The following SGCB variants were observed in gnomAD, a reference collection of about 807,000 sequenced individuals.
The protein encoded by SGCB is sarcoglycan beta.
SGCB carries 25 observed loss-of-function variants against 27.3 expected under a neutral mutation model. The ratio of observed to expected loss-of-function variants is 0.92; its 90% CI spans 0.67 to 1.28. SGCB has a LOEUF of 1.28. Ranked by LOEUF, SGCB falls within the 50% of genes most tolerant of loss-of-function variation. The probability of loss-of-function intolerance (pLI) is 0.00; values close to 1 mark genes in which losing one functional copy is unlikely to be tolerated. For synonymous variants in SGCB, 147 were observed against 133.5 expected (o/e 1.10, Z -0.70); for missense variants, 436 against 402.1 (o/e 1.08, Z -0.72).
rs565410997 is a variant in SGCB at position 52,024,079 on chromosome 4, T to C, written c.835A>G (p.Ser279Gly). ...PSSSSGDQLGSGDWVRYKLCM... is the reference protein window; with the variant it reads ...PSSSSGDQLGGGDWVRYKLCM... ...AGCTTGTAGCGTACCCAGTCACCAC[T>C]ACCCAACTGGTCTCCACTGGAGGAA... is the stretch of plus-strand genomic sequence containing the variant. The change falls in exon 6 of 6, where the codon AGT becomes GGT. Residue 279 changes from serine (S) to glycine (G), a missense_variant. Physicochemically the swap from Ser to Gly is moderately conservative, Grantham distance 56 (BLOSUM62 0). Coordinates refer to ENST00000381431, the MANE Select transcript of SGCB (RefSeq NM_000232.5). 45 of 1,614,102 alleles carry C rather than the reference T, an allele frequency of 2.8e-5. No homozygotes were observed. The highest frequency in any genetic ancestry group is 6.7e-5 in the East Asian group (3 of 44,876).
chr4:52,035,059 C>T (rs1737349897), intron 1 of SGCB, among the ~76,000 whole-genome samples: 1 of 152,158 alleles, frequency 6.6e-6, no homozygotes, highest in Non-Finnish European at 1.5e-5. Flanking sequence ...GATTTGAGAA[C>T]CTCTGACCTA....
At chr4:52,024,210 G>A in intron 5 of SGCB, 50 bp from the exon 6 acceptor site, 4 of 1,430,862 alleles carry the variant, frequency 2.8e-6, no homozygotes, top group Non-Finnish European at 3.9e-6. Context: ...AGGGGGTACA[G>A]AACAAAGTCA....
chr4:52,035,248 G>C (rs546064530), intron 1 of SGCB, among the ~76,000 whole-genome samples: 5 of 152,274 alleles, frequency 3.3e-5, no homozygotes, highest in African/African-American at 1.2e-4. Flanking sequence ...GAATACAAAA[G>C]AACTATAGGA....
rs1263020044 is a variant in SGCB at position 52,028,783 on chromosome 4, G to GA, written c.567dup (p.His190SerfsTer17). ...AAACTTTTCACTCCACTTGGCAAAT[G>GA]AAACTCATGAGTTTCATAGTCTGTG... On this transcript the variant is annotated frameshift_variant, in exon 4 of 6. Coordinates refer to ENST00000381431, the MANE Select transcript of SGCB (RefSeq NM_000232.5). LOFTEE classifies it high-confidence loss of function. 1.2e-6 allele frequency: 2 copies of GA among 1,613,598 alleles called. No homozygotes were observed. The highest frequency in any genetic ancestry group is 3.3e-5 in the Admixed American group (2 of 59,982).
At chr4:52,029,614 C>A in intron 3 of SGCB, 64 bp downstream of exon 3, 2 of 1,081,566 alleles carry the variant, frequency 1.8e-6, no homozygotes, top group Non-Finnish European at 2.9e-6. Context: ...TAGGTTTTTG[C>A]AAAGTATTTT....
At chr4:52,025,071 T>C (rs968369415) in intron 5 of SGCB, among the ~76,000 whole-genome samples, 1 of 152,130 alleles carries the variant, frequency 6.6e-6, no homozygotes, top group Non-Finnish European at 1.5e-5. Context: ...TCCTTTCTTC[T>C]TTTCATTCAC....
intron 1 of SGCB, among the ~76,000 whole-genome samples, chr4:52,035,428 T>C (rs1046871652): frequency 3.3e-5 from 5 of 152,096 alleles, no homozygotes; most frequent in African/African-American, 1.2e-4. Flanking sequence ...CTGGAGTTGT[T>C]AGGGAAATGG....
At chr4:52,036,487 C>G (rs1019169022) in intron 1 of SGCB, among the ~76,000 whole-genome samples, 1 of 152,138 alleles carries the variant, frequency 6.6e-6, no homozygotes, top group African/African-American at 2.4e-5. Context: ...GTTTCCTATA[C>G]AATCAGATTT....
intron 2 of SGCB, among the ~76,000 whole-genome samples, chr4:52,030,851 T>C (rs1737228067): frequency 6.6e-6 from 1 of 152,216 alleles, no homozygotes; most frequent in Admixed American, 6.5e-5. Context: ...GTAAAATTTT[T>C]TGGAAAGTGT....
At position 52,022,318 on chromosome 4, in the gene SGCB, T is replaced by C. The variant is rs549050714; in HGVS notation, c.*1639A>G. On this transcript the variant is annotated 3_prime_UTR_variant, in exon 6 of 6. Coordinates refer to ENST00000381431, the MANE Select transcript of SGCB (RefSeq NM_000232.5). The stretch of plus-strand genomic sequence containing the variant: ...TATTGAATACAAATTGTTTTTTGTA[T>C]TGGTTTTCTTATGTGCACAATTCAA... The C allele has an allele frequency of 6.6e-5, 10 of 152,346 alleles. No individual in the cohort carries two copies. In the East Asian group the frequency reaches 1.9e-3, roughly 29 times the overall value. 9.4% of individuals were successfully genotyped at this position (152,346 alleles called of 1,614,324 possible).
chr4:52,036,402 G>A (rs1737393006), intron 1 of SGCB, among the ~76,000 whole-genome samples: 1 of 152,116 alleles, frequency 6.6e-6, no homozygotes, highest in South Asian at 2.1e-4. Context: ...GGGCCAGTAA[G>A]CAACATAAAT....
chr4:52,034,598 T>G (rs1390322045), intron 1 of SGCB, among the ~76,000 whole-genome samples: 1 of 151,978 alleles, frequency 6.6e-6, no homozygotes, highest in Non-Finnish European at 1.5e-5. Flanking sequence ...TGGCTATCCT[T>G]TGGGGGTCCT....
At chr4:52,035,756 A>G (rs931163518) in intron 1 of SGCB, among the ~76,000 whole-genome samples, 1 of 152,214 alleles carries the variant, frequency 6.6e-6, no homozygotes, top group South Asian at 2.1e-4. Context: ...AAGACTTAAC[A>G]GAATTTGTAG....
At chr4:52,036,039 G>A (rs916110030) in intron 1 of SGCB, among the ~76,000 whole-genome samples, 6 of 152,170 alleles carry the variant, frequency 3.9e-5, no homozygotes, top group African/African-American at 1.4e-4. Context: ...CTTAATTACA[G>A]GCCAGTCAGG....
chr4:52,027,494 G>C (rs1166048423), intron 5 of SGCB, among the ~76,000 whole-genome samples: 1 of 150,750 alleles, frequency 6.6e-6, no homozygotes, highest in Non-Finnish European at 1.5e-5. Context: ...CATTGGATAT[G>C]AAACTCAGGG....
intron 1 of SGCB, among the ~76,000 whole-genome samples, chr4:52,036,211 G>A (rs1337025309): frequency 1.3e-5 from 2 of 152,214 alleles, no homozygotes; most frequent in African/African-American, 4.8e-5. Flanking sequence ...GTTAACTCTT[G>A]AAGGATGGAC....
At chr4:52,031,400 G>GTA (rs1553940465) in intron 2 of SGCB, among the ~76,000 whole-genome samples, 3 of 42,352 alleles carry the variant, frequency 7.1e-5, no homozygotes, top group Admixed American at 4.2e-4. Flanking sequence ...CTCTGTGTGT[G>GTA]TGTGTATGTG....
intron 1 of SGCB, 35 bp from the exon 2 acceptor site, chr4:52,033,675 A>C (rs774410281): frequency 1.3e-6 from 2 of 1,515,596 alleles, no homozygotes; most frequent in Non-Finnish European, 1.8e-6. Context: ...GAACAGCTAT[A>C]CCCTCTCGTT....
rs116214830 is a variant in SGCB, at chr4:52,024,120, G to A, written c.794C>T (p.Thr265Ile). ...ACTGGAGGAACTGGGTAGGCGGGTG[G>A]TGCTGACCATCACAGATCCATTTAG... ...IILNGSVMVSTTRLPSSSSGD... is the reference protein window; with the variant it reads ...IILNGSVMVSITRLPSSSSGD... The change falls in exon 6 of 6, where the codon ACC (threonine) becomes ATC (isoleucine). Residue 265 changes from threonine (T) to isoleucine (I), a missense_variant. Transcript: ENST00000381431. The A allele has an allele frequency of 7.2e-5, 116 of 1,614,108 alleles. No homozygotes were observed. In the African/African-American group the frequency reaches 1.1e-3, roughly 16 times the overall value.
Sources: gnomAD v4.1 joint callset for allele counts (sites outside exome capture counted in the v4.1 genomes callset) on GRCh38, gnomAD v4.1.1 for gene constraint, MANE v1.5 for transcripts, NCBI Gene and HGNC (gene_info 2026-07-23, HGNC 2026-07-21) for gene names.